DTWD2: variants seen among roughly 807,000 people sequenced by gnomAD.
DTWD2 encodes the protein tRNA-uridine aminocarboxypropyltransferase 2.
Under a neutral mutation model 31.8 loss-of-function variants are expected in DTWD2, and 39 were observed. The observed-to-expected ratio is 1.22, with a 90% CI of 0.95 to 1.60. The LOEUF (loss-of-function observed/expected upper bound fraction) is 1.60. DTWD2 is among the 40% of genes most tolerant of loss of function. The probability of loss-of-function intolerance (pLI) is 0.00; values close to 1 mark genes in which losing one functional copy is unlikely to be tolerated. For missense variants in DTWD2, 515 were observed against 381.5 expected (o/e 1.35, Z -2.92); for synonymous variants, 180 against 142.8 (o/e 1.26, Z -1.86).
At position 118,857,258 on chromosome 5, in the gene DTWD2, T is replaced by C. The variant is rs140819258; in HGVS notation, c.598-9040A>G. ...GTGTGTATATGTGTGTGTTAAGCTTTTGTGGTTTTTTAAATTAAGTATAAC... is the reference window on the plus strand; with the variant it reads ...GTGTGTATATGTGTGTGTTAAGCTTCTGTGGTTTTTTAAATTAAGTATAAC... On this transcript the variant is annotated intron_variant, in intron 4 of 5. Coordinates refer to ENST00000510708, the MANE Select transcript of DTWD2 (RefSeq NM_173666.4). Among the ~76,000 whole-genome samples, 112 of 152,254 alleles carry C rather than the reference T, an allele frequency of 7.4e-4. No individual in the cohort carries two copies. In the East Asian group the frequency reaches 0.019, roughly 26 times the overall value.
At chr5:118,910,642 G>A (rs916396417) in intron 4 of DTWD2, among the ~76,000 whole-genome samples, 5 of 151,978 alleles carry the variant, frequency 3.3e-5, no homozygotes, top group South Asian at 2.1e-4. Flanking sequence ...ATCCAGTTCC[G>A]AACCTGCCTC....
chr5:118,852,628 A>C (rs1429576302), intron 4 of DTWD2, among the ~76,000 whole-genome samples: 2 of 152,210 alleles, frequency 1.3e-5, no homozygotes, highest in Admixed American at 1.3e-4. Flanking sequence ...TGGGAATGTA[A>C]ATTAATTCAG....
At chr5:118,964,217 CAAAA>C (rs34712667) in intron 1 of DTWD2, among the ~76,000 whole-genome samples, 1 of 84,752 alleles carries the variant, frequency 1.2e-5, no homozygotes, top group African/African-American at 4.2e-5. Flanking sequence ...GACTCCATCT[CAAAA>C]AAAAAAAAAA....
chr5:118,949,144 AG>A (rs1165408995), intron 1 of DTWD2, among the ~76,000 whole-genome samples: 1 of 151,826 alleles, frequency 6.6e-6, no homozygotes, highest in Non-Finnish European at 1.5e-5. Flanking sequence ...GATTTGTAGG[AG>A]GGGCTATAAA....
At chr5:118,850,323 A>C (rs577273877) in intron 4 of DTWD2, among the ~76,000 whole-genome samples, 3 of 148,588 alleles carry the variant, frequency 2.0e-5, no homozygotes, top group Admixed American at 6.7e-5. Flanking sequence ...AAAAAAAAAA[A>C]AAAAACATTG....
Position 118,936,608 on chromosome 5 carries a change from G to A in DTWD2, c.404+2588C>T, listed in dbSNP as rs189356747. Among the ~76,000 whole-genome samples the A allele has an allele frequency of 8.6e-5, 13 of 151,976 alleles. No individual in the cohort carries two copies. In the East Asian group the frequency reaches 1.4e-3, roughly 16 times the overall value. On this transcript the variant is annotated intron_variant, in intron 3 of 5. Coordinates refer to ENST00000510708, the MANE Select transcript of DTWD2 (RefSeq NM_173666.4). The stretch of plus-strand genomic sequence containing the variant: ...TCACTTGAGGCCAGGAGTTTGAGAC[G>A]AGGCCAGTCAACATAGCAAGACCCC...
intron 4 of DTWD2, among the ~76,000 whole-genome samples, chr5:118,860,259 A>G (rs1235110045): frequency 6.7e-6 from 1 of 150,250 alleles, no homozygotes; most frequent in East Asian, 1.9e-4. Flanking sequence ...TGAATATATC[A>G]TATAAATTAA....
At chr5:118,917,248 T>C (rs1328338282) in intron 4 of DTWD2, among the ~76,000 whole-genome samples, 1 of 152,120 alleles carries the variant, frequency 6.6e-6, no homozygotes, top group Non-Finnish European at 1.5e-5. Context: ...CATGTCTTAA[T>C]AACTGAAAGA....
At chr5:118,959,474 T>A (rs947406593) in intron 1 of DTWD2, among the ~76,000 whole-genome samples, 2 of 152,070 alleles carry the variant, frequency 1.3e-5, no homozygotes, top group African/African-American at 4.8e-5. Flanking sequence ...TAGAAAAGCA[T>A]CCCAAGCTCA....
intron 1 of DTWD2, among the ~76,000 whole-genome samples, chr5:118,964,845 C>A (rs1580442432): frequency 6.6e-6 from 1 of 152,264 alleles, no homozygotes; most frequent in African/African-American, 2.4e-5. Flanking sequence ...AGATTGCAGC[C>A]TCTGCCCGGC....
chr5:118,842,605 C>A (rs1338522137), intron 5 of DTWD2, among the ~76,000 whole-genome samples: 1 of 152,114 alleles, frequency 6.6e-6, no homozygotes, highest in Admixed American at 6.5e-5. Flanking sequence ...TGTGAATTAA[C>A]CACTGCAGTA....
At chr5:118,933,603 C>A (rs1007245257) in intron 3 of DTWD2, among the ~76,000 whole-genome samples, 1 of 152,068 alleles carries the variant, frequency 6.6e-6, no homozygotes, top group African/African-American at 2.4e-5. Context: ...ACCCAAAGCC[C>A]ACTCATGATA....
intron 4 of DTWD2, among the ~76,000 whole-genome samples, chr5:118,911,818 G>A (rs1753464377): frequency 6.6e-6 from 1 of 152,156 alleles, no homozygotes; most frequent in Admixed American, 6.5e-5. Flanking sequence ...ACTTGGCTCT[G>A]CTCTCACAGA....
intron 4 of DTWD2, among the ~76,000 whole-genome samples, chr5:118,891,710 C>T (rs1752981182): frequency 6.6e-6 from 1 of 152,190 alleles, no homozygotes; most frequent in Non-Finnish European, 1.5e-5. Flanking sequence ...CACAGTCATA[C>T]ACAGTCTATA....
chr5:118,874,855 G>A (rs1331398719), intron 4 of DTWD2, among the ~76,000 whole-genome samples: 4 of 151,996 alleles, frequency 2.6e-5, no homozygotes, highest in South Asian at 2.1e-4. Flanking sequence ...TTCCAGAAAT[G>A]CAGAGAGCCC....
chr5:118,916,664 C>G (rs1476034701), intron 4 of DTWD2, among the ~76,000 whole-genome samples: 8 of 127,726 alleles, frequency 6.3e-5, no homozygotes, highest in African/African-American at 2.3e-4. Flanking sequence ...AAACTCTGTC[C>G]CAAAAAAAAA....
chr5:118,898,929 T>C (rs1380814241), intron 4 of DTWD2, among the ~76,000 whole-genome samples: 1 of 152,194 alleles, frequency 6.6e-6, no homozygotes, highest in Non-Finnish European at 1.5e-5. Context: ...ATTTGCCAAT[T>C]CTGTATCTGT....
intron 4 of DTWD2, among the ~76,000 whole-genome samples, chr5:118,861,348 T>C (rs1396585828): frequency 2.6e-5 from 4 of 152,254 alleles, no homozygotes; most frequent in Admixed American, 2.6e-4. Context: ...AGTTTCATTC[T>C]TGGGGCTTCA....
At position 118,988,452 on chromosome 5, in the gene DTWD2, G is replaced by C. The variant is rs751422311; in HGVS notation, c.60C>G (p.Ala20=). The change falls in exon 1 of 6, where the codon GCC becomes GCG. Residue 20 remains alanine (A), a synonymous_variant. Transcript: ENST00000510708. ...TGTCGTTCGGCGTCTGAGAGCTTGA[G>C]GCCCCAGAAGGCCGCGCAACGGGCT... ...LQEPVARPSG[A]SSSQTPNDKE... The C allele has an allele frequency of 1.2e-6, 2 of 1,606,216 alleles. No homozygotes were observed. Among genetic ancestry groups the C allele is most frequent in the South Asian group, 2.2e-5 (2 of 90,494 alleles).
Sources: allele counts gnomAD v4.1 joint callset (sites outside exome capture counted in the v4.1 genomes callset), GRCh38; gene constraint gnomAD v4.1.1; transcripts MANE v1.5; gene names NCBI Gene and HGNC (gene_info 2026-07-23, HGNC 2026-07-21).